The following DNAAF5 variants were observed in gnomAD, a reference collection of about 807,000 sequenced individuals.
The protein encoded by DNAAF5 is HEAT repeat containing 2.
Under a neutral mutation model 75.8 loss-of-function variants are expected in DNAAF5, and 64 were observed. The ratio of observed to expected loss-of-function variants is 0.84; its 90% confidence interval spans 0.69 to 1.04. DNAAF5 has a LOEUF of 1.04. DNAAF5 is among the 50% of genes least tolerant of loss of function. The pLI is 0.00. For synonymous variants in DNAAF5, 657 were observed against 557.2 expected (o/e 1.18, Z -2.52); for missense variants, 1,269 against 1,178.5 (o/e 1.08, Z -1.12).
chr7:762,490 C>CAAA (rs533430102), intron 7 of DNAAF5, among the ~76,000 whole-genome samples: 3 of 131,238 alleles, frequency 2.3e-5, no homozygotes, highest in Non-Finnish European at 3.3e-5. Context: ...AGACTCCGTC[C>CAAA]AAAAAAAAAA....
At chr7:730,119 A>G (rs1433285839) in intron 2 of DNAAF5, among the ~76,000 whole-genome samples, 1 of 152,236 alleles carries the variant, frequency 6.6e-6, no homozygotes, top group African/African-American at 2.4e-5. Flanking sequence ...GCACTTCAGC[A>G]GTTGCAGAAG....
intron 4 of DNAAF5, among the ~76,000 whole-genome samples, chr7:741,880 A>C (rs1781922214): frequency 6.6e-6 from 1 of 152,128 alleles, no homozygotes; most frequent in Non-Finnish European, 1.5e-5. Context: ...TCATTTCACC[A>C]AGACAGAGCT....
At chr7:739,103 C>CTG (rs1562377082) in intron 2 of DNAAF5, among the ~76,000 whole-genome samples, 1 of 101,348 alleles carries the variant, frequency 9.9e-6, no homozygotes, top group Admixed American at 1.1e-4. Flanking sequence ...CGCCCTCTGC[C>CTG]CCATCACTGT....
chr7:735,433 C>T (rs1781711104), intron 2 of DNAAF5, among the ~76,000 whole-genome samples: 1 of 150,838 alleles, frequency 6.6e-6, no homozygotes, highest in Admixed American at 6.6e-5. Context: ...AACGTCGCTG[C>T]TCACGGTGTA....
At chr7:751,912 G>A (rs898026150) in intron 4 of DNAAF5, among the ~76,000 whole-genome samples, 1 of 152,146 alleles carries the variant, frequency 6.6e-6, no homozygotes, top group East Asian at 1.9e-4. Flanking sequence ...CAAAGTCCCT[G>A]AAGGCTTTTC....
At chr7:732,444 G>A (rs1299796669) in intron 2 of DNAAF5, 14 of 439,406 alleles carry the variant, frequency 3.2e-5, no homozygotes, top group Non-Finnish European at 5.1e-5. Context: ...GCCTGCAGTC[G>A]GCAGCTGCTC....
intron 5 of DNAAF5, among the ~76,000 whole-genome samples, chr7:755,415 C>A (rs1449999505): frequency 6.6e-6 from 1 of 152,228 alleles, no homozygotes; most frequent in Non-Finnish European, 1.5e-5. Flanking sequence ...CAGTCACCAC[C>A]ATGAGGACTT....
chr7:740,737 C>A, intron 2 of DNAAF5, 82 bp from the exon 3 acceptor site: 1 of 1,566,704 alleles, frequency 6.4e-7, no homozygotes, highest in South Asian at 1.2e-5. Context: ...GTCCGTATGG[C>A]AGCACTCAGA....
At chr7:765,091 A>G (rs1213692344) in intron 8 of DNAAF5, among the ~76,000 whole-genome samples, 1 of 152,246 alleles carries the variant, frequency 6.6e-6, no homozygotes, top group Non-Finnish European at 1.5e-5. Context: ...GCTGCACTCC[A>G]GCCTGGGCAA....
At chr7:762,046 C>T (rs1404845211) in intron 7 of DNAAF5, 150 bp downstream of exon 7, 2 of 510,098 alleles carry the variant, frequency 3.9e-6, no homozygotes, top group Non-Finnish European at 6.3e-6. Context: ...AGTCCCCGGG[C>T]AACGGCCTTC....
chr7:766,880 CAACT>C lies in DNAAF5; in HGVS notation c.1783+2909_1783+2912del, dbSNP rs1782837028. Among the ~76,000 whole-genome samples the C allele has an allele frequency of 2.0e-5, 3 of 152,068 alleles. No individual in the cohort carries two copies. The South Asian group carries it at 6.2e-4, about 32-fold the overall frequency. ...CACATTTTATAAAAAAGAATTAATACAACTAATAAGCAAATAGAGTGGGAACTAT... is the reference window on the plus strand; with the variant it reads ...CACATTTTATAAAAAAGAATTAATACAATAAGCAAATAGAGTGGGAACTAT... On this transcript the variant is annotated intron_variant, in intron 8 of 12. Coordinates refer to ENST00000297440, the MANE Select transcript of DNAAF5 (RefSeq NM_017802.4).
intron 1 of DNAAF5, 126 bp downstream of exon 1, chr7:727,441 T>A (rs1781379537): frequency 4.2e-6 from 1 of 238,700 alleles, no homozygotes; most frequent in Non-Finnish European, 6.4e-6. Context: ...CCCCCCAACA[T>A]CCCGGACCCC....
chr7:757,007 G>T lies in DNAAF5; in HGVS notation c.1470+13G>T. ...GGCATCTGAAAACGTAAGAGCACTT[G>T]GGAGATGCGGGAGTGGAGAGGAGGA... On this transcript the variant is annotated intron_variant, in intron 6 of 12. Coordinates refer to ENST00000297440, the MANE Select transcript of DNAAF5 (RefSeq NM_017802.4). 1 of 1,593,234 alleles carries T rather than the reference G, an allele frequency of 6.3e-7. No homozygotes were observed. Among genetic ancestry groups the T allele is most frequent in the South Asian group, 1.1e-5 (1 of 90,548 alleles).
intron 7 of DNAAF5, 101 bp from the exon 8 acceptor site, chr7:763,705 G>C: frequency 7.5e-7 from 1 of 1,332,706 alleles, no homozygotes; most frequent in Non-Finnish European, 1.0e-6. Flanking sequence ...GGCCCGGCCT[G>C]TGTGGTTCTT....
At chr7:768,298 G>T (rs1209466819) in intron 8 of DNAAF5, among the ~76,000 whole-genome samples, 3 of 150,812 alleles carry the variant, frequency 2.0e-5, no homozygotes, top group South Asian at 2.1e-4. Context: ...GGTCTGGGCG[G>T]AAGTGTCCGT....
At chr7:746,518 C>CTGCCCCCCACCCAA in intron 4 of DNAAF5, among the ~76,000 whole-genome samples, 1 of 136,158 alleles carries the variant, frequency 7.3e-6, no homozygotes, top group African/African-American at 2.8e-5. Context: ...TACCGTCCTG[C>CTGCCCCCCACCCAA]CCTGTCCAGC....
rs781645836 is a variant in DNAAF5 at position 775,097 on chromosome 7, T to C, written c.2174T>C (p.Ile725Thr). The change falls in exon 11 of 13, where the codon ATC becomes ACC. Residue 725 changes from isoleucine (I) to threonine (T), a missense_variant. Transcript: ENST00000297440. Reference protein sequence around the residue: ...KMTRLISCRIINTFLKTSGGM... With the variant: ...KMTRLISCRITNTFLKTSGGM... ...ACGCGACTGATCTCATGCCGTATTA[T>C]CAACACGTTCTTAAAAACCTCGGGC... 1 of 1,614,120 alleles carries C rather than the reference T, an allele frequency of 6.2e-7. No individual in the cohort carries two copies. The highest frequency in any genetic ancestry group is 8.5e-7 in the Non-Finnish European group (1 of 1,180,012).
Position 769,052 on chromosome 7 carries a change from A to G in DNAAF5, c.1784-1419A>G, listed in dbSNP as rs143292531. 7.5e-3 allele frequency: 5,037 copies of G among 669,986 alleles called. 43 individuals are homozygous for G. The highest frequency in any genetic ancestry group is 0.035 in the Middle Eastern group (148 of 4,190). 41.5% of individuals were successfully genotyped at this position (669,986 alleles called of 1,614,324 possible). On this transcript the variant is annotated intron_variant, in intron 8 of 12. Coordinates refer to ENST00000297440, the MANE Select transcript of DNAAF5 (RefSeq NM_017802.4). Reference sequence around the variant, plus strand: ...CAAGACACCAGCTGGTCTCACCGCGAGGCCTGACTTCGAGCCAGAGCAGCG... The same window carrying G: ...CAAGACACCAGCTGGTCTCACCGCGGGGCCTGACTTCGAGCCAGAGCAGCG...
At chr7:747,065 G>T (rs958493847) in intron 4 of DNAAF5, among the ~76,000 whole-genome samples, 1 of 152,212 alleles carries the variant, frequency 6.6e-6, no homozygotes, top group South Asian at 2.1e-4. Context: ...CTAGTTTTTG[G>T]CCATCACAGG....
Sources: gnomAD v4.1 joint callset for allele counts (sites outside exome capture counted in the v4.1 genomes callset) on GRCh38, gnomAD v4.1.1 for gene constraint, MANE v1.5 for transcripts, NCBI Gene and HGNC (gene_info 2026-07-23, HGNC 2026-07-21) for gene names.